Variants in PTPRN2 observed in about 807,000 individuals in gnomAD.
The protein encoded by PTPRN2 is protein tyrosine phosphatase receptor type N2, also known as receptor-type tyrosine-protein phosphatase N2.
PTPRN2 carries 74 observed loss-of-function variants against 118.8 expected under a neutral mutation model. That is an observed-to-expected ratio of 0.62 (90% CI 0.52 to 0.76). PTPRN2 has a LOEUF of 0.76. PTPRN2 is among the 30% of genes least tolerant of loss of function. The pLI, the probability that PTPRN2 is intolerant of heterozygous loss-of-function variation, is 0.00. For missense variants in PTPRN2, 1,481 were observed against 1,394.4 expected (o/e 1.06, Z -0.99); for synonymous variants, 641 against 608.0 (o/e 1.05, Z -0.80).
intron 2 of PTPRN2, among the ~76,000 whole-genome samples, chr7:158,461,450 G>A (rs935893239): frequency 1.2e-4 from 18 of 151,434 alleles, no homozygotes; most frequent in Non-Finnish European, 2.1e-4. Flanking sequence ...GAGCTGAGAT[G>A]GTGCCACTGC....
chr7:158,368,829 G>A (rs1303999505), intron 2 of PTPRN2, among the ~76,000 whole-genome samples: 1 of 152,240 alleles, frequency 6.6e-6, no homozygotes, highest in Non-Finnish European at 1.5e-5. Flanking sequence ...GCCAGACAGA[G>A]GTGAAGAGGC....
intron 2 of PTPRN2, among the ~76,000 whole-genome samples, chr7:158,443,173 C>T (rs1158026245): frequency 1.3e-5 from 2 of 152,042 alleles, no homozygotes; most frequent in Non-Finnish European, 2.9e-5. Flanking sequence ...ACTGGGCGAG[C>T]GGGTCTTTGT....
intron 12 of PTPRN2, among the ~76,000 whole-genome samples, chr7:157,695,566 A>C (rs1289607008): frequency 6.6e-6 from 1 of 152,248 alleles, no homozygotes; most frequent in Non-Finnish European, 1.5e-5. Context: ...AGTAACAATG[A>C]GTGCATTTTG....
intron 12 of PTPRN2, among the ~76,000 whole-genome samples, chr7:157,686,744 A>G (rs547048761): frequency 1.3e-5 from 2 of 152,204 alleles, no homozygotes; most frequent in East Asian, 3.9e-4. Context: ...TCAATGACTG[A>G]AAGTTTGGAA....
At chr7:157,904,199 T>A (rs1797627938) in intron 11 of PTPRN2, among the ~76,000 whole-genome samples, 5 of 152,234 alleles carry the variant, frequency 3.3e-5, no homozygotes, top group Admixed American at 3.3e-4. Flanking sequence ...ACAGTGGAAT[T>A]GCTGTGTGCC....
intron 1 of PTPRN2, among the ~76,000 whole-genome samples, chr7:158,523,168 T>C (rs1045231220): frequency 1.3e-5 from 2 of 151,910 alleles, no homozygotes; most frequent in Non-Finnish European, 1.5e-5. Context: ...GAAGCACAAG[T>C]TGGAGGGGCC....
At chr7:158,389,285 G>A (rs1343635266) in intron 2 of PTPRN2, among the ~76,000 whole-genome samples, 6 of 152,254 alleles carry the variant, frequency 3.9e-5, no homozygotes, top group East Asian at 1.9e-4. Flanking sequence ...CCCAGGCTGC[G>A]ACGCATGTGG....
chr7:157,844,993 C>T (rs1428872092), intron 12 of PTPRN2, among the ~76,000 whole-genome samples: 1 of 151,580 alleles, frequency 6.6e-6, no homozygotes, highest in Admixed American at 6.6e-5. Flanking sequence ...TTCCAGCAAA[C>T]CCTACAGATC....
At chr7:157,840,384 G>A (rs556071465) in intron 12 of PTPRN2, among the ~76,000 whole-genome samples, 8 of 144,046 alleles carry the variant, frequency 5.6e-5, no homozygotes, top group Admixed American at 1.4e-4. Context: ...CTGTGTGACC[G>A]CGTGTGACTG....
chr7:158,132,362 G>A (rs1475483339), intron 9 of PTPRN2, among the ~76,000 whole-genome samples: 1 of 144,196 alleles, frequency 6.9e-6, no homozygotes, highest in African/African-American at 2.6e-5. Flanking sequence ...ACATCTACCC[G>A]ACATACACTC....
chr7:158,485,250 C>G (rs921728290), intron 2 of PTPRN2, among the ~76,000 whole-genome samples: 6 of 152,118 alleles, frequency 3.9e-5, no homozygotes, highest in African/African-American at 1.4e-4. Context: ...GCGACTTGCT[C>G]CTCTTGCCCT....
chr7:158,108,261 C>G (rs1815850939), intron 10 of PTPRN2, among the ~76,000 whole-genome samples: 1 of 152,196 alleles, frequency 6.6e-6, no homozygotes, highest in East Asian at 1.9e-4. Flanking sequence ...AATAGCCCCC[C>G]CTCACCTGGA....
At chr7:158,480,556 G>A (rs184190465) in intron 2 of PTPRN2, among the ~76,000 whole-genome samples, 2 of 152,326 alleles carry the variant, frequency 1.3e-5, no homozygotes, top group Admixed American at 1.3e-4. Flanking sequence ...TAAACTTAGT[G>A]AGGAAGCCAT....
chr7:158,009,695 C>T (rs965020259), intron 11 of PTPRN2, among the ~76,000 whole-genome samples: 2 of 152,168 alleles, frequency 1.3e-5, no homozygotes, highest in Non-Finnish European at 2.9e-5. Context: ...GAGTTCCAAA[C>T]CTCCTTCCTG....
intron 12 of PTPRN2, among the ~76,000 whole-genome samples, chr7:157,760,494 C>T (rs117583856): frequency 1.3e-5 from 2 of 151,970 alleles, no homozygotes; most frequent in African/African-American, 4.8e-5. Flanking sequence ...CACAGAAGTG[C>T]GAAGGAGAAT....
intron 3 of PTPRN2, among the ~76,000 whole-genome samples, chr7:158,281,949 C>T (rs1021555471): frequency 3.3e-5 from 5 of 152,222 alleles, no homozygotes; most frequent in Non-Finnish European, 7.3e-5. Flanking sequence ...CTTCCAGAGG[C>T]TCCCAGCTCA....
At chr7:157,751,754 C>T (rs1019686098) in intron 12 of PTPRN2, among the ~76,000 whole-genome samples, 6 of 152,030 alleles carry the variant, frequency 3.9e-5, no homozygotes, top group African/African-American at 1.4e-4. Context: ...CCCAACTGCC[C>T]GCACCCTTTG....
chr7:157,675,715 C>T (rs746306025), intron 13 of PTPRN2, among the ~76,000 whole-genome samples: 2 of 152,092 alleles, frequency 1.3e-5, no homozygotes, highest in East Asian at 3.9e-4. Context: ...CGCTGCAGAC[C>T]GGGCAAGTCA....
intron 21 of PTPRN2, among the ~76,000 whole-genome samples, chr7:157,562,974 GCT>G (rs1799278821): frequency 2.9e-5 from 3 of 103,144 alleles, no homozygotes; most frequent in Admixed American, 1.1e-4. Flanking sequence ...ACGTGCTCCC[GCT>G]TCACCACACA....
Sources: gnomAD v4.1 joint callset for allele counts (sites outside exome capture counted in the v4.1 genomes callset) on GRCh38, gnomAD v4.1.1 for gene constraint, MANE v1.5 for transcripts, NCBI Gene and HGNC (gene_info 2026-07-23, HGNC 2026-07-21) for gene names.